EXOC6: variants seen among roughly 807,000 people sequenced by gnomAD.
The protein encoded by EXOC6 is SEC15-like 1.
EXOC6 carries 60 observed loss-of-function variants against 112.5 expected under a neutral mutation model. The observed-to-expected ratio is 0.53, with a 90% CI of 0.43 to 0.66. The LOEUF (loss-of-function observed/expected upper bound fraction) is 0.66. EXOC6 is among the 30% of genes least tolerant of loss of function. EXOC6 has a pLI of 0.00. For synonymous variants in EXOC6, 295 were observed against 308.0 expected, an observed-to-expected ratio of 0.96 and a Z score of 0.44; for missense variants, 855 against 957.1, an observed-to-expected ratio of 0.89 and a Z score of 1.41.
intron 1 of EXOC6, among the ~76,000 whole-genome samples, chr10:92,871,990 A>G (rs965058767): frequency 6.6e-6 from 1 of 151,752 alleles, no homozygotes; most frequent in Non-Finnish European, 1.5e-5. Context: ...TGATTTTTTT[A>G]AAAAACCTGT....
rs773054482 is a variant in EXOC6, at chr10:92,895,062, A to G, written c.412+42A>G. 5.0e-6 allele frequency: 6 copies of G among 1,206,332 alleles called. No individual in the cohort carries two copies. In the South Asian group the frequency reaches 7.5e-5, roughly 15 times the overall value. 74.7% of individuals were successfully genotyped at this position (1,206,332 alleles called of 1,614,324 possible). ...TATAATAAAACGTTTGGCTTGGTAA[A>G]GTTGTAATTTAATAATAGCAAGTAG... On this transcript the variant is annotated intron_variant, in intron 4 of 21. Coordinates refer to ENST00000260762, the MANE Select transcript of EXOC6 (RefSeq NM_019053.6).
intron 18 of EXOC6, among the ~76,000 whole-genome samples, chr10:92,984,860 G>A (rs1842944042): frequency 6.6e-6 from 1 of 152,026 alleles, no homozygotes; most frequent in Non-Finnish European, 1.5e-5. Flanking sequence ...TCAGCCGGGT[G>A]TGGTGGCACA....
intron 19 of EXOC6, among the ~76,000 whole-genome samples, chr10:93,010,674 G>A (rs2134223448): frequency 1.4e-5 from 2 of 147,400 alleles, no homozygotes; most frequent in East Asian, 4.2e-4. Context: ...ACTCCACCCT[G>A]GATGACAAAG....
intron 17 of EXOC6, among the ~76,000 whole-genome samples, chr10:92,971,177 G>A (rs561050060): frequency 8.7e-5 from 13 of 150,282 alleles, no homozygotes; most frequent in African/African-American, 2.4e-4. Context: ...TCAGCCTCCC[G>A]AGTAGCTGGG....
At chr10:92,972,162 T>C (rs1373597933) in intron 17 of EXOC6, among the ~76,000 whole-genome samples, 1 of 152,202 alleles carries the variant, frequency 6.6e-6, no homozygotes, top group African/African-American at 2.4e-5. Context: ...AACACTGAGA[T>C]AGGAAGTTAA....
chr10:92,902,571 G>A (rs1850235960), intron 5 of EXOC6, among the ~76,000 whole-genome samples: 1 of 151,468 alleles, frequency 6.6e-6, no homozygotes, highest in South Asian at 2.1e-4. Flanking sequence ...GAGATTCTTG[G>A]AGTTGTAGAC....
chr10:92,948,430 A>G (rs747656379), intron 14 of EXOC6, 51 bp downstream of exon 14: 1 of 1,051,454 alleles, frequency 9.5e-7, no homozygotes, highest in Non-Finnish European at 1.4e-6. Context: ...AATTCATAGT[A>G]TTTGTTACTA....
intron 1 of EXOC6, among the ~76,000 whole-genome samples, chr10:92,849,068 T>C (rs1422540711): frequency 6.6e-6 from 1 of 151,630 alleles, no homozygotes; most frequent in Non-Finnish European, 1.5e-5. Context: ...GTGACGGAGG[T>C]GCCAGGTCGC....
At chr10:92,869,333 G>A (rs534830620) in intron 1 of EXOC6, among the ~76,000 whole-genome samples, 1 of 151,402 alleles carries the variant, frequency 6.6e-6, no homozygotes, top group African/African-American at 2.4e-5. Flanking sequence ...AAATGAGACA[G>A]GGTCGCACTC....
chr10:92,999,320 C>T, intron 19 of EXOC6: 1 of 392,846 alleles, frequency 2.5e-6, no homozygotes, highest in Non-Finnish European at 4.9e-6. Flanking sequence ...GCCTTGGCAT[C>T]CCAAAATGCT....
At chr10:92,915,682 T>A in intron 6 of EXOC6, 76 bp from the exon 7 acceptor site, 1 of 1,081,924 alleles carries the variant, frequency 9.2e-7, no homozygotes, top group Non-Finnish European at 1.3e-6. Context: ...AAAAAAAAAC[T>A]ATGAACAAAT....
chr10:92,896,181 ATTTTTTTTTTTTTTTTTTTTTT>A (rs58783356), intron 4 of EXOC6, among the ~76,000 whole-genome samples: 23 of 10,226 alleles, frequency 2.2e-3, no homozygotes, highest in African/African-American at 0.015. Flanking sequence ...ATATATATAT[ATTTTTTTTTTTTTTTTTTTTTT>A]TTTTTTTTTT....
chr10:92,939,009 G>A (rs968759959), intron 12 of EXOC6, among the ~76,000 whole-genome samples: 6 of 152,034 alleles, frequency 3.9e-5, no homozygotes, highest in African/African-American at 7.2e-5. Context: ...AGCATGGTGT[G>A]GTGAAAGTGA....
intron 21 of EXOC6, among the ~76,000 whole-genome samples, chr10:93,057,543 T>G (rs1846604124): frequency 6.6e-6 from 1 of 152,094 alleles, no homozygotes; most frequent in South Asian, 2.1e-4. Flanking sequence ...AAACATAAAT[T>G]TAGGTGTTAA....
chr10:92,940,702 G>GA, intron 12 of EXOC6, 25 bp from the exon 13 acceptor site: 1 of 1,107,824 alleles, frequency 9.0e-7, no homozygotes, highest in Non-Finnish European at 1.3e-6. Flanking sequence ...TTGTTTATCT[G>GA]CTTTTTTTTT....
chr10:92,832,396 G>C (rs1189868515), upstream of EXOC6, among the ~76,000 whole-genome samples: 2 of 152,132 alleles, frequency 1.3e-5, no homozygotes, highest in East Asian at 3.9e-4. Context: ...GCCTGCCTCA[G>C]GCTCTGGAGT....
At chr10:93,027,489 C>A (rs1192862668) in intron 20 of EXOC6, among the ~76,000 whole-genome samples, 1 of 152,154 alleles carries the variant, frequency 6.6e-6, no homozygotes, top group Non-Finnish European at 1.5e-5. Context: ...GAAGAGAAGG[C>A]AATACTTGGT....
chr10:93,013,372 G>T (rs939831581), intron 19 of EXOC6, among the ~76,000 whole-genome samples: 1 of 152,140 alleles, frequency 6.6e-6, no homozygotes, highest in South Asian at 2.1e-4. Flanking sequence ...TTGGGAGGCC[G>T]AGGCAGGTGG....
rs1564810024 is a variant in EXOC6 at position 92,896,173 on chromosome 10, ATATATATATTTTTTTTTTTT to A, written c.412+1155_412+1174del. Among the ~76,000 whole-genome samples, 125 of 23,796 alleles carry A rather than the reference ATATATATATTTTTTTTTTTT, an allele frequency of 5.3e-3. 12 individuals are homozygous for A. Among genetic ancestry groups the A allele is most frequent in the Admixed American group, 0.042 (46 of 1,100 alleles). The allele number at this position is 23,796 out of a possible 152,430, so 15.6% of individuals were successfully genotyped here. On this transcript the variant is annotated intron_variant, in intron 4 of 21. Coordinates refer to ENST00000260762, the MANE Select transcript of EXOC6 (RefSeq NM_019053.6). ...TATATATATATATATATATATATAT[ATATATATATTTTTTTTTTTT>A]TTTTTTTTTTTTTTTTTTTTTTTTG...
Sources: allele counts gnomAD v4.1 joint callset (sites outside exome capture counted in the v4.1 genomes callset), GRCh38; gene constraint gnomAD v4.1.1; transcripts MANE v1.5; gene names NCBI Gene and HGNC (gene_info 2026-07-23, HGNC 2026-07-21).